The following PMS1 variants were observed in gnomAD, a reference collection of about 807,000 sequenced individuals.
PMS1 encodes the protein PMS1 homolog 1, mismatch repair system component.
PMS1 carries 79 observed loss-of-function variants against 93.1 expected under a neutral mutation model. The ratio of observed to expected loss-of-function variants is 0.85; its 90% confidence interval spans 0.71 to 1.02. The LOEUF (loss-of-function observed/expected upper bound fraction) is 1.02, where lower values mean the gene tolerates loss of function less well. PMS1 is among the 50% of genes least tolerant of loss of function. The pLI, the probability that PMS1 is intolerant of heterozygous loss-of-function variation, is 0.00. For missense variants in PMS1, 1,064 were observed against 1,085.3 expected (o/e 0.98, Z 0.28); for synonymous variants, 335 against 363.4 (o/e 0.92, Z 0.89).
chr2:189,828,515 T>G (rs1006183231), intron 5 of PMS1, among the ~76,000 whole-genome samples: 1 of 152,238 alleles, frequency 6.6e-6, no homozygotes, highest in Non-Finnish European at 1.5e-5. Flanking sequence ...AATACTTCAC[T>G]GTAATAAAGC....
At chr2:189,849,773 GT>G (rs2054547616) in intron 6 of PMS1, among the ~76,000 whole-genome samples, 1 of 151,296 alleles carries the variant, frequency 6.6e-6, no homozygotes, top group South Asian at 2.1e-4. Flanking sequence ...TTCTTAGCCA[GT>G]TTGGCTCAGC....
chr2:189,868,001 C>A, intron 11 of PMS1, 72 bp downstream of exon 11: 1 of 1,249,416 alleles, frequency 8.0e-7, no homozygotes, highest in South Asian at 1.2e-5. Context: ...ATTTGGGTTT[C>A]ATGATTTACA....
intron 7 of PMS1, among the ~76,000 whole-genome samples, chr2:189,853,298 C>T (rs999868229): frequency 3.3e-5 from 5 of 152,074 alleles, no homozygotes; most frequent in Middle Eastern, 3.4e-3. Flanking sequence ...TCAAGTGATC[C>T]GCCCACCTCG....
At chr2:189,868,902 A>G (rs1029828374) in intron 11 of PMS1, among the ~76,000 whole-genome samples, 6 of 152,156 alleles carry the variant, frequency 3.9e-5, no homozygotes, top group Admixed American at 1.3e-4. Context: ...TTTAAAAACA[A>G]TGTGTTTTGG....
At chr2:189,871,780 C>G (rs1422759301) in intron 11 of PMS1, among the ~76,000 whole-genome samples, 1 of 152,124 alleles carries the variant, frequency 6.6e-6, no homozygotes, top group Non-Finnish European at 1.5e-5. Flanking sequence ...TAAAAGAATA[C>G]TTGAGACTAG....
rs570896039 is a variant in PMS1, at chr2:189,785,048, T to G, written c.-21+455T>G. ...ACCTGTATTACATGCTAAGGAAATG[T>G]GAATACCAAAAATTGATCCTGAGGA... On this transcript the variant is annotated intron_variant, in intron 1 of 12. Transcript: ENST00000441310. Among the ~76,000 whole-genome samples, 5 of 152,324 alleles carry G rather than the reference T, an allele frequency of 3.3e-5. No homozygotes were observed. The East Asian group carries it at 9.6e-4, about 29-fold the overall frequency.
chr2:189,807,542 T>C (rs1023040851), intron 4 of PMS1, among the ~76,000 whole-genome samples: 1 of 152,192 alleles, frequency 6.6e-6, no homozygotes, highest in Non-Finnish European at 1.5e-5. Context: ...CTTAAAGGAA[T>C]TTATTTTTGT....
intron 9 of PMS1, among the ~76,000 whole-genome samples, chr2:189,862,623 A>T (rs955081357): frequency 6.6e-6 from 1 of 152,148 alleles, no homozygotes; most frequent in Non-Finnish European, 1.5e-5. Flanking sequence ...TTTTTGTTCT[A>T]CCAGGTATTT....
At chr2:189,855,653 A>G (rs1374384111) in intron 9 of PMS1, among the ~76,000 whole-genome samples, 1 of 151,980 alleles carries the variant, frequency 6.6e-6, no homozygotes, top group Admixed American at 6.6e-5. Context: ...AGTATAACTT[A>G]AGGCTTGCTT....
intron 6 of PMS1, 23 bp downstream of exon 6, chr2:189,844,103 G>A: frequency 6.2e-7 from 1 of 1,612,312 alleles, no homozygotes; most frequent in South Asian, 1.1e-5. Flanking sequence ...AACATTCTCA[G>A]ATAATTCTGA....
At chr2:189,852,165 GT>G (rs545662614) in intron 6 of PMS1, among the ~76,000 whole-genome samples, 40 of 147,300 alleles carry the variant, frequency 2.7e-4, no homozygotes, top group African/African-American at 3.0e-4. Flanking sequence ...GAGTAAAAGA[GT>G]TTTTTTTTTT....
intron 3 of PMS1, among the ~76,000 whole-genome samples, chr2:189,798,119 A>C (rs1243784022): frequency 2.6e-5 from 4 of 152,226 alleles, no homozygotes; most frequent in Non-Finnish European, 2.9e-5. Context: ...CCTCATCGTC[A>C]CATGGCTGAC....
intron 5 of PMS1, among the ~76,000 whole-genome samples, chr2:189,819,151 CT>C (rs2051598805): frequency 6.6e-6 from 1 of 152,128 alleles, no homozygotes; most frequent in Non-Finnish European, 1.5e-5. Context: ...CAGTATTTGT[CT>C]TTTTCTGAGT....
chr2:189,836,556 T>C (rs913408576), intron 5 of PMS1, among the ~76,000 whole-genome samples: 7 of 152,270 alleles, frequency 4.6e-5, no homozygotes, highest in Non-Finnish European at 1.0e-4. Flanking sequence ...TACTGTATTC[T>C]GGATTCCCAG....
intron 5 of PMS1, among the ~76,000 whole-genome samples, chr2:189,841,341 G>A (rs1471752500): frequency 2.0e-5 from 3 of 152,108 alleles, no homozygotes; most frequent in Non-Finnish European, 4.4e-5. Context: ...ACAACTCTAG[G>A]AATAGGTAAA....
chr2:189,793,020 G>C (rs572775778), intron 2 of PMS1, among the ~76,000 whole-genome samples: 1 of 152,224 alleles, frequency 6.6e-6, no homozygotes, highest in East Asian at 1.9e-4. Flanking sequence ...ATGTCGGCCA[G>C]TCTGGTCTTG....
chr2:189,854,325 A>G lies in PMS1; in HGVS notation c.1053A>G (p.Thr351=), dbSNP rs754345445. The stretch of plus-strand genomic sequence containing the variant: ...CAAATTCTTATGAAAATAATAAAAC[A>G]GATGTTTCCGCAGCTGACATCGTTC... ...PSTNSYENNK[T]DVSAADIVLS... is the part of the protein sequence containing the mutation. Residue 351 remains threonine, a synonymous_variant, in exon 9 of 13, where the codon ACA becomes ACG. Transcript: ENST00000441310. 6.9e-6 allele frequency: 11 copies of G among 1,595,560 alleles called. No individual in the cohort carries two copies. The highest frequency in any genetic ancestry group is 5.1e-6 in the Non-Finnish European group (6 of 1,171,354).
At chr2:189,831,002 A>G (rs949673032) in intron 5 of PMS1, among the ~76,000 whole-genome samples, 1 of 152,194 alleles carries the variant, frequency 6.6e-6, no homozygotes, top group Non-Finnish European at 1.5e-5. Flanking sequence ...AACAACTCTG[A>G]ACGTGATTTT....
intron 4 of PMS1, chr2:189,806,393 A>G (rs2050346031): frequency 3.3e-6 from 1 of 302,106 alleles, no homozygotes; most frequent in Non-Finnish European, 6.4e-6. Context: ...TATGTTTTTT[A>G]TTTTATTTTA....
Sources: allele counts gnomAD v4.1 joint callset (sites outside exome capture counted in the v4.1 genomes callset), GRCh38; gene constraint gnomAD v4.1.1; transcripts MANE v1.5; gene names NCBI Gene and HGNC (gene_info 2026-07-23, HGNC 2026-07-21).